CUX1: variants seen among roughly 807,000 people sequenced by gnomAD.
The protein encoded by CUX1 is cut like homeobox 1.
In CUX1, 31 loss-of-function variants were observed where a neutral mutation model predicts 158.8. That is an observed-to-expected ratio of 0.20 (90% CI 0.15 to 0.26). The LOEUF is 0.26. CUX1 is among the 10% of genes least tolerant of loss of function. CUX1 has a pLI of 1.00. For missense variants in CUX1, 1,589 were observed against 2,014.6 expected, an observed-to-expected ratio of 0.79 and a Z score of 4.04; for synonymous variants, 879 against 862.1, an observed-to-expected ratio of 1.02 and a Z score of -0.34.
At chr7:102,234,803 G>A (rs544706577) in intron 22 of CUX1, among the ~76,000 whole-genome samples, 6 of 149,938 alleles carry the variant, frequency 4.0e-5, no homozygotes, top group South Asian at 2.1e-4. Flanking sequence ...GGTGGCGTGC[G>A]CCTCTATAAT....
chr7:102,112,196 G>A (rs993474437), intron 7 of CUX1, among the ~76,000 whole-genome samples: 4 of 149,288 alleles, frequency 2.7e-5, no homozygotes, highest in African/African-American at 9.8e-5. Context: ...ACCAAAAAAG[G>A]TTATGCTCAA....
intron 3 of CUX1, among the ~76,000 whole-genome samples, chr7:102,066,771 A>C (rs566246282): frequency 3.9e-5 from 6 of 152,200 alleles, no homozygotes; most frequent in Non-Finnish European, 8.8e-5. Flanking sequence ...TGGAGAAGCA[A>C]CTCCAAATCC....
intron 2 of CUX1, among the ~76,000 whole-genome samples, chr7:101,966,831 T>A (rs1811280775): frequency 6.6e-6 from 1 of 151,964 alleles, no homozygotes; most frequent in African/African-American, 2.4e-5. Context: ...GGGGATCCTC[T>A]GGGCCGAGCG....
At chr7:101,841,156 G>A (rs927520405) in intron 1 of CUX1, among the ~76,000 whole-genome samples, 3 of 152,166 alleles carry the variant, frequency 2.0e-5, no homozygotes, top group East Asian at 3.9e-4. Flanking sequence ...GCCTCCCAAA[G>A]TGCTGGGATT....
In CUX1 at chr7:102,083,877, A is replaced by T. The variant is rs143185252; in HGVS notation, c.268+13460A>T. 7.4e-3 allele frequency among the ~76,000 whole-genome samples: 1,089 copies of T among 146,924 alleles called. 42 individuals are homozygous for T. The highest frequency in any genetic ancestry group is 0.026 in the African/African-American group (1,052 of 41,132). On this transcript the variant is annotated intron_variant, in intron 4 of 23. Transcript: ENST00000292535. ...TTAAAGGATATTTTCTTTTTTAAAA[A>T]ATCTACAATGTTTATTTTATTATTA...
At chr7:102,278,447 C>G (rs894212698) in intron 18 of CUX1, among the ~76,000 whole-genome samples, 4 of 151,668 alleles carry the variant, frequency 2.6e-5, no homozygotes, top group African/African-American at 9.7e-5. Context: ...AAAAAAGTAT[C>G]CGGGCATGGT....
At chr7:101,907,043 A>G (rs1157186606) in intron 1 of CUX1, among the ~76,000 whole-genome samples, 2 of 152,242 alleles carry the variant, frequency 1.3e-5, no homozygotes, top group African/African-American at 4.8e-5. Flanking sequence ...TTTATGACAC[A>G]GTAGTGAATC....
At chr7:101,998,686 G>T (rs1458492546) in intron 2 of CUX1, among the ~76,000 whole-genome samples, 3 of 152,228 alleles carry the variant, frequency 2.0e-5, no homozygotes, top group Non-Finnish European at 4.4e-5. Context: ...AAAAAAATTG[G>T]TTTTTTTGGA....
At chr7:101,968,015 C>A (rs1164523991) in intron 2 of CUX1, among the ~76,000 whole-genome samples, 1 of 152,100 alleles carries the variant, frequency 6.6e-6, no homozygotes, top group Non-Finnish European at 1.5e-5. Context: ...GCAGCTCCCC[C>A]TGCCTCAGCC....
intron 2 of CUX1, among the ~76,000 whole-genome samples, chr7:102,003,295 A>ACACACACAC (rs1816924119): frequency 7.6e-6 from 1 of 131,908 alleles, no homozygotes. Context: ...CCTGGTGCCG[A>ACACACACAC]ACACACACAC....
chr7:101,935,605 T>C (rs896963410), intron 2 of CUX1, among the ~76,000 whole-genome samples: 2 of 152,176 alleles, frequency 1.3e-5, no homozygotes, highest in African/African-American at 4.8e-5. Flanking sequence ...TGTTCTAAAG[T>C]AGTAAATGAA....
At chr7:101,943,856 A>C (rs1030519772) in intron 2 of CUX1, among the ~76,000 whole-genome samples, 1 of 151,618 alleles carries the variant, frequency 6.6e-6, no homozygotes, top group East Asian at 1.9e-4. Context: ...CATGGCTGAC[A>C]CTTGTAATCC....
chr7:102,030,592 A>G (rs546928331), intron 3 of CUX1, among the ~76,000 whole-genome samples: 1 of 151,914 alleles, frequency 6.6e-6, no homozygotes, highest in East Asian at 1.9e-4. Flanking sequence ...AATTATCCCC[A>G]AGATGTCTTT....
chr7:102,197,368 G>C, intron 15 of CUX1, 63 bp downstream of exon 15: 1 of 1,524,058 alleles, frequency 6.6e-7, no homozygotes, highest in Non-Finnish European at 9.0e-7. Flanking sequence ...ACATGTGTGT[G>C]TGCATGCGTG....
rs377352943 is a variant in CUX1, at chr7:101,958,015, C to T, written c.141+41790C>T. 9.2e-5 allele frequency among the ~76,000 whole-genome samples: 14 copies of T among 152,290 alleles called. 1 individual carries two copies. In the South Asian group the frequency reaches 1.0e-3, roughly 11 times the overall value. ...GTAATGGGGGATCTCTGGTACCCAT[C>T]TCATGGAGCTGCTAAAGTGATTAAA... On this transcript the variant is annotated intron_variant, in intron 2 of 23. Transcript: ENST00000292535.
At chr7:101,836,173 C>T (rs1270397738) in intron 1 of CUX1, among the ~76,000 whole-genome samples, 1 of 152,176 alleles carries the variant, frequency 6.6e-6, no homozygotes, top group African/African-American at 2.4e-5. Flanking sequence ...GCATTTTGGC[C>T]TCTTATGTGT....
intron 4 of CUX1, among the ~76,000 whole-genome samples, chr7:102,073,604 C>A (rs919331320): frequency 6.6e-6 from 1 of 152,134 alleles, no homozygotes; most frequent in Non-Finnish European, 1.5e-5. Flanking sequence ...TCTGCAGTTA[C>A]GTTCTGTGTT....
At chr7:101,972,353 C>G (rs1812065793) in intron 2 of CUX1, among the ~76,000 whole-genome samples, 1 of 152,232 alleles carries the variant, frequency 6.6e-6, no homozygotes, top group Non-Finnish European at 1.5e-5. Flanking sequence ...AACTCTGTCC[C>G]TCTTTTAAAT....
chr7:101,856,206 AG>A (rs34387433), intron 1 of CUX1, among the ~76,000 whole-genome samples: 1 of 146,356 alleles, frequency 6.8e-6, no homozygotes, highest in African/African-American at 2.7e-5. Context: ...AAAAAAAAAA[AG>A]GAAACAAGAA....
Sources: allele counts gnomAD v4.1 joint callset (sites outside exome capture counted in the v4.1 genomes callset), GRCh38; gene constraint gnomAD v4.1.1; transcripts MANE v1.5; gene names NCBI Gene and HGNC (gene_info 2026-07-23, HGNC 2026-07-21).